Variants in RYR2 observed in about 807,000 individuals in gnomAD.
The protein encoded by RYR2 is ryanodine receptor 2.
A neutral mutation model predicts 601.1 loss-of-function variants in RYR2; 227 were observed. That is an observed-to-expected ratio of 0.38 (90% CI 0.34 to 0.42). The LOEUF (loss-of-function observed/expected upper bound fraction) is 0.42, where lower values mean the gene tolerates loss of function less well. RYR2 is among the 10% of genes least tolerant of loss of function. The pLI is 1.00. For synonymous variants in RYR2, 2,223 were observed against 2,175.1 expected, an observed-to-expected ratio of 1.02 and a Z score of -0.61; for missense variants, 4,646 against 6,156.5, an observed-to-expected ratio of 0.75 and a Z score of 8.21.
chr1:237,698,844 A>G (rs1558242802), intron 63 of RYR2, 121 bp from the exon 64 acceptor site: 6 of 566,558 alleles, frequency 1.1e-5, no homozygotes, highest in Non-Finnish European at 1.9e-5. Context: ...GATTATTAAA[A>G]AACCTTTTAA....
At chr1:237,128,057 G>C (rs866884148) in intron 1 of RYR2, among the ~76,000 whole-genome samples, 1 of 152,170 alleles carries the variant, frequency 6.6e-6, no homozygotes, top group African/African-American at 2.4e-5. Flanking sequence ...AGGTTGTAGC[G>C]AGCCGAGATC....
chr1:237,199,282 C>CT, intron 1 of RYR2, among the ~76,000 whole-genome samples: 1 of 152,306 alleles, frequency 6.6e-6, no homozygotes, highest in East Asian at 1.9e-4. Context: ...CATCTGCAAG[C>CT]TGAGGAACAA....
At chr1:237,807,053 T>TA (rs1174414672) in intron 99 of RYR2, among the ~76,000 whole-genome samples, 1 of 152,216 alleles carries the variant, frequency 6.6e-6, no homozygotes, top group Non-Finnish European at 1.5e-5. Flanking sequence ...ATTGCCTCTC[T>TA]AAAAGCTTTG....
chr1:237,393,617 C>T (rs1702572196), intron 10 of RYR2, among the ~76,000 whole-genome samples: 1 of 152,142 alleles, frequency 6.6e-6, no homozygotes, highest in Admixed American at 6.5e-5. Context: ...GGTTTTTCTT[C>T]TTTTTCTCTG....
At chr1:237,317,933 T>C (rs1695266951) in intron 2 of RYR2, among the ~76,000 whole-genome samples, 2 of 152,302 alleles carry the variant, frequency 1.3e-5, no homozygotes, top group East Asian at 1.9e-4. Flanking sequence ...TTTGATAGAA[T>C]GTTTAGAACA....
chr1:237,309,406 G>T (rs144443237), intron 2 of RYR2, among the ~76,000 whole-genome samples: 4,729 of 151,366 alleles, frequency 0.031, 147 homozygotes, highest in African/African-American at 0.084. Context: ...AGACATAAAG[G>T]TTCTCCAAGT....
chr1:237,650,513 A>G (rs80252757), intron 50 of RYR2, among the ~76,000 whole-genome samples: 3,487 of 152,350 alleles, frequency 0.023, 47 homozygotes, highest in Non-Finnish European at 0.03. Flanking sequence ...ATACAGCATA[A>G]TATTAAACCA....
intron 17 of RYR2, among the ~76,000 whole-genome samples, chr1:237,489,320 A>G (rs1335328583): frequency 2.0e-5 from 3 of 152,164 alleles, no homozygotes; most frequent in Non-Finnish European, 4.4e-5. Context: ...GCAAATCAGA[A>G]CTACAATGAG....
intron 64 of RYR2, 136 bp from the exon 65 acceptor site, chr1:237,700,091 GTT>G (rs1687832774): frequency 3.3e-6 from 2 of 613,222 alleles, no homozygotes; most frequent in Middle Eastern, 8.3e-4. Flanking sequence ...GAAAAAATTT[GTT>G]TTAGAGTTGA....
chr1:237,268,935 CAAAAAAAAAA>C (rs1160004017), intron 1 of RYR2, among the ~76,000 whole-genome samples: 3 of 16,218 alleles, frequency 1.8e-4, no homozygotes, highest in South Asian at 9.2e-3. Flanking sequence ...ACTCTTGTCT[CAAAAAAAAAA>C]AAAAAAAAAA....
rs188637881 is a variant in RYR2 at position 237,057,957 on chromosome 1, A to G, written c.48+15388A>G. Among the ~76,000 whole-genome samples the G allele has an allele frequency of 2.7e-3, 418 of 152,294 alleles. 3 individuals are homozygous for G. Among genetic ancestry groups the G allele is most frequent in the South Asian group, 0.014 (66 of 4,826 alleles). On this transcript the variant is annotated intron_variant, in intron 1 of 104. Coordinates refer to ENST00000366574, the MANE Select transcript of RYR2 (RefSeq NM_001035.3). ...ATTTTCTGCTAGGGACCTTTTGATC[A>G]TTAAAATTAGAGCTCTATAAAGCTT...
intron 2 of RYR2, among the ~76,000 whole-genome samples, chr1:237,290,687 A>C (rs1461039305): frequency 6.6e-6 from 1 of 152,232 alleles, no homozygotes; most frequent in Admixed American, 6.5e-5. Context: ...ACTACCACCA[A>C]CAACGAAAAT....
rs1386338381 is a variant in RYR2, at chr1:237,702,041, A to G, written c.9431A>G (p.Lys3144Arg). 1 of 1,600,868 alleles carries G rather than the reference A, an allele frequency of 6.2e-7. No homozygotes were observed. Residue 3144 changes from lysine (K) to arginine (R), a missense_variant, in exon 66 of 105, where the codon AAG (lysine) becomes AGG (arginine). Physicochemically the swap from Lys to Arg is conservative, Grantham distance 26. Coordinates refer to ENST00000366574, the MANE Select transcript of RYR2 (RefSeq NM_001035.3). ...LTSLYALGTS[K>R]SIYVERQRSA... is the part of the protein sequence containing the mutation. ...AGCTTATATGCTTTGGGAACCAGCAAGAGTATTTACGTGGAGAGGTAAGAA... is the reference window on the plus strand; with the variant it reads ...AGCTTATATGCTTTGGGAACCAGCAGGAGTATTTACGTGGAGAGGTAAGAA...
At chr1:237,641,588 C>G (rs1471926005) in intron 47 of RYR2, among the ~76,000 whole-genome samples, 1 of 151,062 alleles carries the variant, frequency 6.6e-6, no homozygotes, top group Non-Finnish European at 1.5e-5. Flanking sequence ...GTCTCCCAGG[C>G]TAGAGTGCAG....
At chr1:237,347,255 C>A (rs1358461477) in intron 3 of RYR2, among the ~76,000 whole-genome samples, 5 of 151,914 alleles carry the variant, frequency 3.3e-5, no homozygotes, top group Non-Finnish European at 7.4e-5. Context: ...CCTGGGAGTT[C>A]CAGGCTGCAC....
chr1:237,492,386 G>A (rs1663460516), intron 18 of RYR2, among the ~76,000 whole-genome samples: 1 of 152,228 alleles, frequency 6.6e-6, no homozygotes, highest in South Asian at 2.1e-4. Flanking sequence ...CATAGCATCA[G>A]TGGGAACATG....
At position 237,329,977 on chromosome 1, in the gene RYR2, C is replaced by T. The variant is rs748432577; in HGVS notation, c.169-901C>T. On this transcript the variant is annotated intron_variant, in intron 2 of 104. Coordinates refer to ENST00000366574, the MANE Select transcript of RYR2 (RefSeq NM_001035.3). ...TCCAACTTGAATAAAACAAAGTAATCGCTACTTTGTGGATAAGGAGAAACC... is the reference window on the plus strand; with the variant it reads ...TCCAACTTGAATAAAACAAAGTAATTGCTACTTTGTGGATAAGGAGAAACC... 4.3e-4 allele frequency among the ~76,000 whole-genome samples: 65 copies of T among 152,154 alleles called. 1 individual carries two copies. Among genetic ancestry groups the T allele is most frequent in the Admixed American group, 2.8e-3 (43 of 15,284 alleles).
intron 1 of RYR2, among the ~76,000 whole-genome samples, chr1:237,147,306 G>C (rs1674111481): frequency 6.6e-6 from 1 of 152,064 alleles, no homozygotes; most frequent in African/African-American, 2.4e-5. Flanking sequence ...TGCTAATTTT[G>C]ATAAAATTCC....
chr1:237,462,423 C>T (rs900261202), intron 16 of RYR2, among the ~76,000 whole-genome samples: 2 of 152,160 alleles, frequency 1.3e-5, no homozygotes, highest in Non-Finnish European at 2.9e-5. Flanking sequence ...AACAGCGATA[C>T]TCATAGTTGG....
Sources: gnomAD v4.1 joint callset for allele counts (sites outside exome capture counted in the v4.1 genomes callset) on GRCh38, gnomAD v4.1.1 for gene constraint, MANE v1.5 for transcripts, NCBI Gene and HGNC (gene_info 2026-07-23, HGNC 2026-07-21) for gene names.